Variants in ABHD2 observed in about 807,000 individuals in gnomAD.
The protein encoded by ABHD2 is abhydrolase domain containing 2, acylglycerol lipase.
ABHD2 carries 20 observed loss-of-function variants against 48.1 expected under a neutral mutation model. The observed-to-expected ratio is 0.42, with a 90% CI of 0.29 to 0.60. The LOEUF (loss-of-function observed/expected upper bound fraction) is 0.60, where lower values mean the gene tolerates loss of function less well. ABHD2 is among the 20% of genes least tolerant of loss of function. ABHD2 has a pLI of 0.24. For missense variants in ABHD2, 405 were observed against 550.9 expected (o/e 0.74, Z 2.65); for synonymous variants, 209 against 214.2 (o/e 0.98, Z 0.21).
chr15:89,185,739 C>T lies in ABHD2; in HGVS notation c.815+223C>T, dbSNP rs899185967. On this transcript the variant is annotated intron_variant, in intron 7 of 10. Transcript: ENST00000352732. The surrounding 1 kb of genome is among the most constrained non-coding windows in gnomAD (Gnocchi z 5.9). ...ACCCCAGCACTTTGGGAAGCTGAGG[C>T]GGGCAGATAGCTTGAGGCCAGGAAT... Among the ~76,000 whole-genome samples the T allele has an allele frequency of 2.6e-5, 4 of 152,178 alleles. No homozygotes were observed. The highest frequency in any genetic ancestry group is 9.7e-5 in the African/African-American group (4 of 41,438).
At chr15:89,086,701 C>A (rs879294889), upstream of ABHD2, among the ~76,000 whole-genome samples, 3 of 152,248 alleles carry the variant, frequency 2.0e-5, no homozygotes, top group Non-Finnish European at 4.4e-5. Context: ...TGTACCGGTC[C>A]ATGTTTTGAT....
chr15:89,053,968 C>A, the ABHD2 span, among the ~76,000 whole-genome samples: 8 of 152,206 alleles, frequency 5.3e-5, no homozygotes, highest in Non-Finnish European at 8.8e-5. Flanking sequence ...CTTCTCCCTG[C>A]AGCCCAAGAG....
Position 89,175,355 on chromosome 15 carries a change from G to A in ABHD2, c.539-457G>A, listed in dbSNP as rs887316138. ...TCCTCTTGCCTCAGCCTCCTAAGTAGCGGGGACTACAAGGACACACCTGTA... is the reference window on the plus strand; with the variant it reads ...TCCTCTTGCCTCAGCCTCCTAAGTAACGGGGACTACAAGGACACACCTGTA... On this transcript the variant is annotated intron_variant, in intron 5 of 10. Coordinates refer to ENST00000352732, the MANE Select transcript of ABHD2 (RefSeq NM_152924.5). This position sits in a 1 kb window ranked among gnomAD's most constrained non-coding sequence, Gnocchi z 5.7. Among the ~76,000 whole-genome samples the A allele has an allele frequency of 2.6e-5, 4 of 152,262 alleles. No homozygotes were observed. Among genetic ancestry groups the A allele is most frequent in the Admixed American group, 2.6e-4 (4 of 15,300 alleles).
chr15:89,047,139 T>A, the ABHD2 span, among the ~76,000 whole-genome samples: 1 of 152,082 alleles, frequency 6.6e-6, no homozygotes, highest in Non-Finnish European at 1.5e-5. Flanking sequence ...TATTTCTGCC[T>A]TCATTTCGTT....
At chr15:89,074,809 A>G in the ABHD2 span, among the ~76,000 whole-genome samples, 1 of 152,178 alleles carries the variant, frequency 6.6e-6, no homozygotes, top group Admixed American at 6.5e-5. Flanking sequence ...TACTTCCACT[A>G]GCTCTTCCCT....
chr15:89,056,167 A>G, the ABHD2 span, among the ~76,000 whole-genome samples: 1 of 152,168 alleles, frequency 6.6e-6, no homozygotes, highest in Non-Finnish European at 1.5e-5. Flanking sequence ...TTTTGCTTTT[A>G]ATTAAAATTT....
the ABHD2 span, among the ~76,000 whole-genome samples, chr15:89,077,253 T>C: frequency 6.6e-6 from 1 of 152,210 alleles, no homozygotes; most frequent in Non-Finnish European, 1.5e-5. Context: ...ATAGCATACA[T>C]TTCTTGGATG....
intron 3 of ABHD2, among the ~76,000 whole-genome samples, chr15:89,143,259 T>C (rs1209667995): frequency 6.6e-6 from 1 of 152,252 alleles, no homozygotes; most frequent in Non-Finnish European, 1.5e-5. Context: ...CAGTATTCAA[T>C]TTACCACATG....
At chr15:89,093,349 T>G (rs1046254911) in intron 1 of ABHD2, among the ~76,000 whole-genome samples, 2 of 151,890 alleles carry the variant, frequency 1.3e-5, no homozygotes, top group Non-Finnish European at 2.9e-5. Context: ...CCCAGCTAAT[T>G]TTGTATTTTT....
chr15:89,107,854 G>A (rs1275041543), intron 1 of ABHD2, among the ~76,000 whole-genome samples: 4 of 152,190 alleles, frequency 2.6e-5, no homozygotes, highest in African/African-American at 7.2e-5. Context: ...CTTGAGGGTT[G>A]CAAGGAAGAG....
At chr15:89,072,927 A>G in the ABHD2 span, among the ~76,000 whole-genome samples, 3 of 152,210 alleles carry the variant, frequency 2.0e-5, no homozygotes, top group Admixed American at 2.0e-4. Context: ...TGATCATATT[A>G]ATAAAATTTA....
In ABHD2 at chr15:89,116,547, T is replaced by C; in HGVS notation, c.194+26T>C. 3 of 1,595,308 alleles carry C rather than the reference T, an allele frequency of 1.9e-6. No individual in the cohort carries two copies. Among genetic ancestry groups the C allele is most frequent in the Non-Finnish European group, 2.6e-6 (3 of 1,169,568 alleles). On this transcript the variant is annotated intron_variant, in intron 3 of 10. Transcript: ENST00000352732. The surrounding 1 kb of genome is among the most constrained non-coding windows in gnomAD (Gnocchi z 4.6). ...GTGAGTAGACCTCATGCCCTCTGTATGCTCAGCTGCTGATGTATTTGGCTT... is the reference window on the plus strand; with the variant it reads ...GTGAGTAGACCTCATGCCCTCTGTACGCTCAGCTGCTGATGTATTTGGCTT...
the ABHD2 span, among the ~76,000 whole-genome samples, chr15:89,042,689 C>A: frequency 6.6e-6 from 1 of 151,090 alleles, no homozygotes; most frequent in African/African-American, 2.4e-5. Context: ...CTCTGTCGCC[C>A]AGACTGGAGT....
intron 3 of ABHD2, among the ~76,000 whole-genome samples, chr15:89,139,041 C>T (rs974380620): frequency 1.3e-5 from 2 of 151,602 alleles, no homozygotes; most frequent in Non-Finnish European, 2.9e-5. Flanking sequence ...CATAGCAAGA[C>T]CCTGTCTCTA....
chr15:89,068,748 C>G, the ABHD2 span, among the ~76,000 whole-genome samples: 3 of 122,166 alleles, frequency 2.5e-5, no homozygotes, highest in Non-Finnish European at 4.9e-5. Context: ...AGTGGGCAAG[C>G]TTCCTCTTTT....
the ABHD2 span, among the ~76,000 whole-genome samples, chr15:89,052,049 TTTC>T: frequency 6.6e-6 from 1 of 152,142 alleles, no homozygotes; most frequent in Admixed American, 6.5e-5. Context: ...TGGAATGCAT[TTTC>T]CCATGGGAAC....
chr15:89,147,491 T>A (rs988075125), intron 3 of ABHD2, among the ~76,000 whole-genome samples: 1 of 151,420 alleles, frequency 6.6e-6, no homozygotes, highest in East Asian at 2.0e-4. Context: ...GTAGCTGGGA[T>A]TACAGGTGCC....
At chr15:89,163,182 A>C (rs984527767) in intron 5 of ABHD2, among the ~76,000 whole-genome samples, 11 of 152,218 alleles carry the variant, frequency 7.2e-5, no homozygotes, top group Non-Finnish European at 1.2e-4. Flanking sequence ...GCTGTTATGC[A>C]CCTGCCTCAG....
intron 3 of ABHD2, among the ~76,000 whole-genome samples, chr15:89,121,915 A>C (rs1470112967): frequency 6.6e-6 from 1 of 152,148 alleles, no homozygotes. Context: ...CGTAACCTCA[A>C]ACTCCTGAGC....
Sources: gnomAD v4.1 joint callset for allele counts (sites outside exome capture counted in the v4.1 genomes callset) on GRCh38, gnomAD v4.1.1 for gene constraint, Gnocchi (gnomAD v3.1) non-coding constraint, MANE v1.5 for transcripts, NCBI Gene and HGNC (gene_info 2026-07-23, HGNC 2026-07-21) for gene names.